Variants in CTNNA3 observed in about 807,000 individuals in gnomAD.
The protein encoded by CTNNA3 is catenin alpha-3.
In CTNNA3, 76 loss-of-function variants were observed where a neutral mutation model predicts 95.7. The ratio of observed to expected loss-of-function variants is 0.79; its 90% confidence interval spans 0.66 to 0.96. The LOEUF is 0.96. Ranked by LOEUF, CTNNA3 falls within the 40% of genes least tolerant of loss-of-function variation. The pLI is 0.00. For synonymous variants in CTNNA3, 431 were observed against 374.4 expected (o/e 1.15, Z -1.74); for missense variants, 1,191 against 1,089.8 (o/e 1.09, Z -1.31).
At chr10:66,605,130 TA>T (rs1844073331) in intron 10 of CTNNA3, among the ~76,000 whole-genome samples, 1 of 151,992 alleles carries the variant, frequency 6.6e-6, no homozygotes, top group Non-Finnish European at 1.5e-5. Flanking sequence ...ATGATAGAGC[TA>T]AAAAACACAC....
At chr10:66,405,822 C>G (rs1219163964) in intron 11 of CTNNA3, among the ~76,000 whole-genome samples, 1 of 152,154 alleles carries the variant, frequency 6.6e-6, no homozygotes, top group Non-Finnish European at 1.5e-5. Context: ...AACTAAACCT[C>G]CTGGTTTTGT....
intron 13 of CTNNA3, among the ~76,000 whole-genome samples, chr10:66,131,493 T>A (rs2083102426): frequency 6.6e-6 from 1 of 152,200 alleles, no homozygotes; most frequent in Non-Finnish European, 1.5e-5. Context: ...ATTTGTAGAC[T>A]CAATGTTATT....
chr10:67,666,744 G>A (rs1290421156), intron 1 of CTNNA3, among the ~76,000 whole-genome samples: 1 of 152,028 alleles, frequency 6.6e-6, no homozygotes, highest in Non-Finnish European at 1.5e-5. Context: ...AATGTGCTTA[G>A]AAATATCCCA....
intron 5 of CTNNA3, among the ~76,000 whole-genome samples, chr10:67,421,282 A>G (rs1354731446): frequency 6.6e-6 from 1 of 152,240 alleles, no homozygotes; most frequent in African/African-American, 2.4e-5. Flanking sequence ...AAAATAGAAA[A>G]TATCCATCAT....
intron 1 of CTNNA3, among the ~76,000 whole-genome samples, chr10:67,685,814 C>A (rs978417305): frequency 2.0e-5 from 3 of 152,100 alleles, no homozygotes; most frequent in African/African-American, 7.2e-5. Flanking sequence ...CTCTCTGACT[C>A]CCTCTTTGTC....
chr10:66,894,539 A>C (rs1845399462), intron 7 of CTNNA3, among the ~76,000 whole-genome samples: 2 of 152,154 alleles, frequency 1.3e-5, no homozygotes, highest in African/African-American at 4.8e-5. Flanking sequence ...GATATAAAAT[A>C]AGGGCAACTT....
At chr10:66,042,236 T>C (rs1201877728) in intron 15 of CTNNA3, among the ~76,000 whole-genome samples, 1 of 152,184 alleles carries the variant, frequency 6.6e-6, no homozygotes, top group African/African-American at 2.4e-5. Context: ...AGGGCTTCTA[T>C]AAAACTGCAG....
At chr10:66,187,013 C>G (rs1330677758) in intron 13 of CTNNA3, among the ~76,000 whole-genome samples, 1 of 152,102 alleles carries the variant, frequency 6.6e-6, no homozygotes, top group African/African-American at 2.4e-5. Flanking sequence ...CCTTGAAAAC[C>G]AGCAGTTCAA....
intron 11 of CTNNA3, among the ~76,000 whole-genome samples, chr10:66,497,551 T>C (rs910099907): frequency 2.0e-5 from 3 of 151,958 alleles, no homozygotes; most frequent in African/African-American, 7.2e-5. Flanking sequence ...TTTCACCATA[T>C]TGAGATAACT....
intron 3 of CTNNA3, among the ~76,000 whole-genome samples, chr10:67,586,546 T>A (rs978122122): frequency 1.3e-5 from 2 of 152,170 alleles, no homozygotes; most frequent in African/African-American, 4.8e-5. Flanking sequence ...TTGATCCCTC[T>A]ATCATTATAT....
intron 11 of CTNNA3, among the ~76,000 whole-genome samples, chr10:66,444,019 T>A (rs953941673): frequency 1.3e-5 from 2 of 151,812 alleles, no homozygotes; most frequent in African/African-American, 4.8e-5. Context: ...AAGAACTACG[T>A]GAAGAACGCA....
At chr10:66,623,602 A>G (rs1844828051) in intron 9 of CTNNA3, among the ~76,000 whole-genome samples, 1 of 152,070 alleles carries the variant, frequency 6.6e-6, no homozygotes, top group South Asian at 2.1e-4. Flanking sequence ...TTTTCTACTC[A>G]AAGTTTTCTG....
chr10:67,379,038 C>T (rs1168072468), intron 5 of CTNNA3, among the ~76,000 whole-genome samples: 2 of 152,168 alleles, frequency 1.3e-5, no homozygotes, highest in Non-Finnish European at 2.9e-5. Context: ...TACCTAACTG[C>T]ATCAACCATT....
intron 5 of CTNNA3, among the ~76,000 whole-genome samples, chr10:67,305,427 G>T (rs1042223227): frequency 5.3e-5 from 8 of 150,014 alleles, no homozygotes; most frequent in Middle Eastern, 3.5e-3. Context: ...AAAGTAAAAA[G>T]TGAAAAGTGA....
intron 7 of CTNNA3, among the ~76,000 whole-genome samples, chr10:67,076,004 A>C (rs1856727771): frequency 6.6e-6 from 1 of 152,170 alleles, no homozygotes; most frequent in African/African-American, 2.4e-5. Context: ...AGAATGATAG[A>C]ATTTACCAGT....
At chr10:67,291,319 T>C (rs1221675108) in intron 5 of CTNNA3, among the ~76,000 whole-genome samples, 2 of 152,190 alleles carry the variant, frequency 1.3e-5, no homozygotes, top group African/African-American at 2.4e-5. Context: ...GTGTGATCTA[T>C]GGTACATGGA....
chr10:67,179,263 T>A, intron 7 of CTNNA3, among the ~76,000 whole-genome samples: 1 of 152,154 alleles, frequency 6.6e-6, no homozygotes, highest in Middle Eastern at 3.4e-3. Context: ...TTAGCTCTAT[T>A]ATTTAAGGAA....
At chr10:67,480,885 T>TA (rs1281577433) in intron 5 of CTNNA3, among the ~76,000 whole-genome samples, 1 of 152,134 alleles carries the variant, frequency 6.6e-6, no homozygotes, top group Non-Finnish European at 1.5e-5. Context: ...CTGAATCCAG[T>TA]AGCACATCAA....
intron 5 of CTNNA3, among the ~76,000 whole-genome samples, chr10:67,421,340 C>T (rs935164293): frequency 1.1e-4 from 16 of 152,218 alleles, no homozygotes; most frequent in Non-Finnish European, 2.4e-4. Flanking sequence ...CCATGGATAA[C>T]TCACAAAGTT....
Sources: gnomAD v4.1 joint callset for allele counts (sites outside exome capture counted in the v4.1 genomes callset) on GRCh38, gnomAD v4.1.1 for gene constraint, MANE v1.5 for transcripts, NCBI Gene and HGNC (gene_info 2026-07-23, HGNC 2026-07-21) for gene names.